The following SCMH1 variants were observed in gnomAD, a reference collection of about 807,000 sequenced individuals.
SCMH1 encodes Scm polycomb group protein homolog 1, also known as polycomb protein SCMH1.
In SCMH1, 37 loss-of-function variants were observed where a neutral mutation model predicts 70.8. The observed-to-expected ratio is 0.52, with a 90% CI of 0.40 to 0.69. SCMH1 has a LOEUF of 0.69. SCMH1 is among the 30% of genes least tolerant of loss of function. SCMH1 has a pLI of 0.00. For missense variants in SCMH1, 607 were observed against 827.3 expected (o/e 0.73, Z 3.27); for synonymous variants, 292 against 307.4 (o/e 0.95, Z 0.52).
At chr1:41,037,631 A>T in intron 12 of SCMH1, 90 bp from the exon 13 acceptor site, 1 of 1,177,450 alleles carries the variant, frequency 8.5e-7, no homozygotes, top group Non-Finnish European at 1.2e-6. Context: ...AAGCAGCAAC[A>T]ACAGAGAAAG....
intron 8 of SCMH1, among the ~76,000 whole-genome samples, chr1:41,102,475 A>G (rs1238449581): frequency 6.6e-6 from 1 of 152,196 alleles, no homozygotes; most frequent in Non-Finnish European, 1.5e-5. Context: ...GATCCAGCTC[A>G]GTTAACACTT....
chr1:41,044,830 C>T (rs1380545973), intron 12 of SCMH1, among the ~76,000 whole-genome samples: 1 of 152,016 alleles, frequency 6.6e-6, no homozygotes, highest in East Asian at 1.9e-4. Context: ...AAGGTCATGC[C>T]CCGGTCCCAA....
At chr1:41,087,387 T>C (rs1662026708) in intron 8 of SCMH1, among the ~76,000 whole-genome samples, 1 of 151,502 alleles carries the variant, frequency 6.6e-6, no homozygotes, top group South Asian at 2.1e-4. Flanking sequence ...AAGTACAAAT[T>C]GGGAGAAAAT....
chr1:41,032,603 T>A (rs1253231029), intron 13 of SCMH1, among the ~76,000 whole-genome samples: 1 of 152,160 alleles, frequency 6.6e-6, no homozygotes, highest in Non-Finnish European at 1.5e-5. Flanking sequence ...AGGAGTTACA[T>A]GAACCAACTT....
chr1:41,124,279 A>G (rs901940492), intron 6 of SCMH1, among the ~76,000 whole-genome samples: 5 of 152,144 alleles, frequency 3.3e-5, no homozygotes, highest in African/African-American at 1.2e-4. Context: ...TTGAAAAAAG[A>G]CATTCCCCTA....
Position 41,192,188 on chromosome 1 carries a change from A to G in SCMH1, c.-117-5938T>C, listed in dbSNP as rs1651875678. Among the ~76,000 whole-genome samples, 4 of 152,158 alleles carry G rather than the reference A, an allele frequency of 2.6e-5. No individual in the cohort carries two copies. In the South Asian group the frequency reaches 8.3e-4, roughly 32 times the overall value. ...CTTCTAATTGGAAACCCTGCCTTCC[A>G]TCATTACTCTTTTATTGTCTGTTCA... On this transcript the variant is annotated intron_variant, in intron 1 of 14. Coordinates refer to ENST00000337495, the Ensembl canonical transcript of SCMH1.
chr1:41,120,355 A>C (rs1420260565), intron 6 of SCMH1, among the ~76,000 whole-genome samples: 1 of 152,178 alleles, frequency 6.6e-6, no homozygotes, highest in Non-Finnish European at 1.5e-5. Flanking sequence ...CTTACTCAAT[A>C]TTTGAAATAA....
chr1:41,052,474 C>CACCT lies in SCMH1; in HGVS notation c.1106-3588_1106-3585dup, dbSNP rs151166722. The stretch of plus-strand genomic sequence containing the variant: ...TCCCCCATGCCACTGGTCCATGGAA[C>CACCT]ACCTGTCTTCCATAAAACCAGTCCT... On this transcript the variant is annotated intron_variant, in intron 10 of 14. Coordinates refer to ENST00000337495, the Ensembl canonical transcript of SCMH1. Among the ~76,000 whole-genome samples the CACCT allele has an allele frequency of 3.3e-5, 5 of 152,338 alleles. No homozygotes were observed. The East Asian group carries it at 9.6e-4, about 29-fold the overall frequency.
In SCMH1 at chr1:41,054,790, T is replaced by G. The variant is rs570478395; in HGVS notation, c.1106-5900A>C. 1.1e-3 allele frequency among the ~76,000 whole-genome samples: 175 copies of G among 152,306 alleles called. 1 individual carries two copies. Among genetic ancestry groups the G allele is most frequent in the African/African-American group, 4.1e-3 (170 of 41,566 alleles). ...GAAAGCCCCTCAAATTTCTTTGGTTTTAAATTACAGACAGGGTCTTGCTCT... is the reference window on the plus strand; with the variant it reads ...GAAAGCCCCTCAAATTTCTTTGGTTGTAAATTACAGACAGGGTCTTGCTCT... On this transcript the variant is annotated intron_variant, in intron 10 of 14. Transcript: ENST00000337495.
intron 1 of SCMH1, among the ~76,000 whole-genome samples, chr1:41,227,731 T>C (rs1264718687): frequency 1.3e-5 from 2 of 152,054 alleles, no homozygotes; most frequent in Non-Finnish European, 2.9e-5. Context: ...TCTGTAATCC[T>C]AGCACTTTGG....
At chr1:41,146,262 T>C (rs1644553265) in intron 5 of SCMH1, among the ~76,000 whole-genome samples, 1 of 151,184 alleles carries the variant, frequency 6.6e-6, no homozygotes, top group South Asian at 2.1e-4. Flanking sequence ...AGCTGTACAA[T>C]GTGTTTCAAG....
chr1:41,108,330 A>C (rs6694922), intron 8 of SCMH1, among the ~76,000 whole-genome samples: 2,921 of 152,340 alleles, frequency 0.019, 77 homozygotes, highest in African/African-American at 0.066. Context: ...ATCAATCCAC[A>C]TAGGGAGCTA....
At chr1:41,028,060 G>T in exon 15 of SCMH1, 1 of 1,050,312 alleles carries the variant, frequency 9.5e-7, no homozygotes, top group Non-Finnish European at 1.4e-6. Flanking sequence ...AGGAGTGGTG[G>T]CTCCACACAG....
chr1:41,228,354 A>G (rs576123897), intron 1 of SCMH1, among the ~76,000 whole-genome samples: 1 of 152,368 alleles, frequency 6.6e-6, no homozygotes, highest in South Asian at 2.1e-4. Context: ...AGGGTTGCGC[A>G]GCAATGTGAC....
At chr1:41,092,371 T>C (rs1663825109) in intron 8 of SCMH1, among the ~76,000 whole-genome samples, 2 of 152,134 alleles carry the variant, frequency 1.3e-5, no homozygotes, top group Admixed American at 1.3e-4. Flanking sequence ...CAAAAATTAA[T>C]TCAAGATGGA....
At chr1:41,227,756 C>G (rs1660545870) in intron 1 of SCMH1, among the ~76,000 whole-genome samples, 2 of 152,072 alleles carry the variant, frequency 1.3e-5, no homozygotes, top group African/African-American at 4.8e-5. Context: ...CCGAGGCGGG[C>G]AGATCATGAG....
chr1:41,194,258 T>C (rs1336038481), intron 1 of SCMH1, among the ~76,000 whole-genome samples: 1 of 152,226 alleles, frequency 6.6e-6, no homozygotes, highest in Non-Finnish European at 1.5e-5. Context: ...GTGACACATA[T>C]ATTCATACAC....
chr1:41,224,229 T>C (rs998161876), intron 1 of SCMH1, among the ~76,000 whole-genome samples: 4 of 152,210 alleles, frequency 2.6e-5, no homozygotes, highest in Non-Finnish European at 1.5e-5. Context: ...TATACATTTA[T>C]ATTATTGTGC....
chr1:41,161,131 G>A (rs779626336), intron 3 of SCMH1, among the ~76,000 whole-genome samples: 6 of 152,146 alleles, frequency 3.9e-5, no homozygotes, highest in East Asian at 1.9e-4. Context: ...CTAAGCAACC[G>A]TGCCTAAAAC....
Sources: gnomAD v4.1 joint callset for allele counts (sites outside exome capture counted in the v4.1 genomes callset) on GRCh38, gnomAD v4.1.1 for gene constraint, MANE v1.5 for transcripts, NCBI Gene and HGNC (gene_info 2026-07-23, HGNC 2026-07-21) for gene names.